The following NECTIN3 variants were observed in gnomAD, a reference collection of about 807,000 sequenced individuals.
NECTIN3 encodes the protein nectin cell adhesion molecule 3.
A neutral mutation model predicts 49.4 loss-of-function variants in NECTIN3; 8 were observed. The ratio of observed to expected loss-of-function variants is 0.16; its 90% CI spans 0.10 to 0.29. The LOEUF (loss-of-function observed/expected upper bound fraction) is 0.29. Ranked by LOEUF, NECTIN3 falls within the 10% of genes least tolerant of loss-of-function variation. The pLI, the probability that NECTIN3 is intolerant of heterozygous loss-of-function variation, is 1.00. For missense variants in NECTIN3, 581 were observed against 654.6 expected (o/e 0.89, Z 1.23); for synonymous variants, 277 against 241.1 (o/e 1.15, Z -1.38).
chr3:111,090,148 CTT>C (rs1340217074), intron 1 of NECTIN3, among the ~76,000 whole-genome samples: 1 of 152,042 alleles, frequency 6.6e-6, no homozygotes, highest in East Asian at 1.9e-4. Context: ...TAAGACGTAT[CTT>C]TTGTAAGCAG....
At chr3:111,116,180 T>A (rs2033683146) in intron 2 of NECTIN3, among the ~76,000 whole-genome samples, 1 of 151,964 alleles carries the variant, frequency 6.6e-6, no homozygotes, top group Non-Finnish European at 1.5e-5. Flanking sequence ...AAGGAAGGGG[T>A]TAGAAAAAAT....
Position 111,083,023 on chromosome 3 carries a change from C to T in NECTIN3, c.160+10846C>T, listed in dbSNP as rs776052925. ...GGCAGAGCTCAGGTGGTAATACAAG[C>T]GATGGGGAGCAGTTGTAAATACGGA... On this transcript the variant is annotated intron_variant, in intron 1 of 5. Coordinates refer to ENST00000485303, the MANE Select transcript of NECTIN3 (RefSeq NM_015480.3). Among the ~76,000 whole-genome samples the T allele has an allele frequency of 1.3e-4, 20 of 152,070 alleles. 1 individual carries two copies. The East Asian group carries it at 2.3e-3, about 18-fold the overall frequency.
chr3:111,139,397 T>A (rs1191900971), downstream of NECTIN3, among the ~76,000 whole-genome samples: 1 of 151,762 alleles, frequency 6.6e-6, no homozygotes, highest in African/African-American at 2.4e-5. Flanking sequence ...TTGTTCTAAA[T>A]TTTTCCAGTT....
chr3:111,147,023 G>A (rs928237095), intron 6 of NECTIN3, among the ~76,000 whole-genome samples: 8 of 152,122 alleles, frequency 5.3e-5, no homozygotes, highest in South Asian at 2.1e-4. Flanking sequence ...CTAAAATACA[G>A]TGTAAACATT....
intron 1 of NECTIN3, among the ~76,000 whole-genome samples, chr3:111,107,500 A>T (rs1323502828): frequency 1.3e-5 from 2 of 152,166 alleles, no homozygotes; most frequent in Non-Finnish European, 2.9e-5. Context: ...GGACCACCTT[A>T]TGACAAGGTT....
At chr3:111,165,902 A>C (rs1392381851) in intron 7 of NECTIN3, among the ~76,000 whole-genome samples, 2 of 152,244 alleles carry the variant, frequency 1.3e-5, no homozygotes, top group East Asian at 3.8e-4. Flanking sequence ...GCTGTAATTC[A>C]GAAACCAGTA....
chr3:111,092,160 G>A (rs1438505391), intron 1 of NECTIN3, among the ~76,000 whole-genome samples: 1 of 152,144 alleles, frequency 6.6e-6, no homozygotes, highest in East Asian at 1.9e-4. Flanking sequence ...TAATTGACCT[G>A]TAAGAGGTTC....
intron 1 of NECTIN3, among the ~76,000 whole-genome samples, chr3:111,075,499 A>G (rs1371853129): frequency 2.0e-5 from 3 of 152,158 alleles, no homozygotes; most frequent in Non-Finnish European, 2.9e-5. Context: ...GAATAAAACA[A>G]TTAGAAGAGT....
intron 7 of NECTIN3, among the ~76,000 whole-genome samples, chr3:111,165,837 C>A (rs1425344095): frequency 6.6e-6 from 1 of 152,106 alleles, no homozygotes; most frequent in African/African-American, 2.4e-5. Context: ...ATTGCCTGGT[C>A]TGAATTGTAG....
intron 7 of NECTIN3, among the ~76,000 whole-genome samples, chr3:111,170,977 T>C (rs1351726589): frequency 2.0e-5 from 3 of 152,220 alleles, no homozygotes; most frequent in African/African-American, 7.2e-5. Flanking sequence ...TTAACTTCTA[T>C]TCCTTGCTGC....
intron 7 of NECTIN3, among the ~76,000 whole-genome samples, chr3:111,186,902 C>T (rs1007248173): frequency 6.6e-6 from 1 of 152,062 alleles, no homozygotes; most frequent in Non-Finnish European, 1.5e-5. Flanking sequence ...TGCTGTGTAT[C>T]CATCAGTTAG....
rs2034591562 is a variant in NECTIN3 at position 111,136,746 on chromosome 3, T to C, written c.*2531T>C. On this transcript the variant is annotated 3_prime_UTR_variant, in exon 6 of 6. Coordinates refer to ENST00000485303, the MANE Select transcript of NECTIN3 (RefSeq NM_015480.3). Reference sequence around the variant, plus strand: ...TTTCTTTCATATGGTTTGAACTGTTTTAGCATTTTGTAAATTCACTTGAGA... The same window carrying C: ...TTTCTTTCATATGGTTTGAACTGTTCTAGCATTTTGTAAATTCACTTGAGA... 1.2e-5 allele frequency: 11 copies of C among 920,890 alleles called. No homozygotes were observed. In the South Asian group the frequency reaches 4.0e-4, roughly 34 times the overall value. The allele number at this position is 920,890 out of a possible 1,614,324, so 57.0% of individuals were successfully genotyped here.
chr3:111,188,125 G>A (rs1407587310), upstream of NECTIN3, among the ~76,000 whole-genome samples: 3 of 152,120 alleles, frequency 2.0e-5, no homozygotes, highest in African/African-American at 4.8e-5. Flanking sequence ...AAAAAGAGAC[G>A]CTAGTTTATG....
At chr3:111,097,182 G>A (rs1006839806) in intron 1 of NECTIN3, among the ~76,000 whole-genome samples, 1 of 152,176 alleles carries the variant, frequency 6.6e-6, no homozygotes, top group African/African-American at 2.4e-5. Context: ...TGTAGTCAAA[G>A]GAGATCAAAG....
chr3:111,093,002 AGTG>A (rs1386639770), intron 1 of NECTIN3, among the ~76,000 whole-genome samples: 1 of 152,178 alleles, frequency 6.6e-6, no homozygotes, highest in East Asian at 1.9e-4. Context: ...TGTAATTTTC[AGTG>A]TAAGCTTTAC....
intron 7 of NECTIN3, chr3:111,147,498 A>T: frequency 6.8e-7 from 1 of 1,464,356 alleles, no homozygotes; most frequent in Non-Finnish European, 9.2e-7. Flanking sequence ...TGTGTTCATG[A>T]GTACACTTAA....
intron 7 of NECTIN3, among the ~76,000 whole-genome samples, chr3:111,149,528 G>A (rs995089639): frequency 3.4e-5 from 5 of 145,200 alleles, no homozygotes; most frequent in East Asian, 2.1e-4. Flanking sequence ...TTTCTGGTAC[G>A]TATTTTCCAC....
At chr3:111,102,400 T>C (rs1157892634) in intron 1 of NECTIN3, among the ~76,000 whole-genome samples, 1 of 152,192 alleles carries the variant, frequency 6.6e-6, no homozygotes, top group African/African-American at 2.4e-5. Flanking sequence ...CCCCCACTTC[T>C]TGACCAACTT....
chr3:111,146,083 G>T (rs61190717), intron 6 of NECTIN3, among the ~76,000 whole-genome samples: 4,990 of 152,270 alleles, frequency 0.033, 95 homozygotes, highest in Middle Eastern at 0.058. Flanking sequence ...TTAAATAAAA[G>T]ATGATAAAAT....
Sources: gnomAD v4.1 joint callset for allele counts (sites outside exome capture counted in the v4.1 genomes callset) on GRCh38, gnomAD v4.1.1 for gene constraint, MANE v1.5 for transcripts, NCBI Gene and HGNC (gene_info 2026-07-23, HGNC 2026-07-21) for gene names.